The following PRKG1 variants were observed in gnomAD, a reference collection of about 807,000 sequenced individuals.
PRKG1 encodes cGMP-dependent protein kinase 1.
Under a neutral mutation model 88.1 loss-of-function variants are expected in PRKG1, and 35 were observed. That is an observed-to-expected ratio of 0.40 (90% CI 0.30 to 0.53). PRKG1 has a LOEUF of 0.53. PRKG1 is among the 20% of genes least tolerant of loss of function. The pLI, the probability that PRKG1 is intolerant of heterozygous loss-of-function variation, is 0.59. For missense variants in PRKG1, 540 were observed against 839.8 expected, an observed-to-expected ratio of 0.64 and a Z score of 4.41; for synonymous variants, 303 against 292.5, an observed-to-expected ratio of 1.04 and a Z score of -0.37.
intron 4 of PRKG1, among the ~76,000 whole-genome samples, chr10:51,881,832 T>C (rs1393695126): frequency 6.6e-6 from 1 of 152,172 alleles, no homozygotes; most frequent in East Asian, 1.9e-4. Context: ...TTCACAACAA[T>C]ATAATGAAAT....
chr10:51,782,292 G>A (rs934819516), intron 3 of PRKG1, among the ~76,000 whole-genome samples: 1 of 152,060 alleles, frequency 6.6e-6, no homozygotes, highest in African/African-American at 2.4e-5. Flanking sequence ...AACTTACCAT[G>A]GGTTATCAGG....
chr10:51,294,178 T>A (rs1471384494), intron 2 of PRKG1, among the ~76,000 whole-genome samples: 1 of 152,130 alleles, frequency 6.6e-6, no homozygotes, highest in South Asian at 2.1e-4. Context: ...GACTTTTTAT[T>A]CTATTGATTG....
intron 9 of PRKG1, among the ~76,000 whole-genome samples, chr10:52,244,621 G>C (rs1840956579): frequency 6.7e-6 from 1 of 148,916 alleles, no homozygotes; most frequent in East Asian, 2.0e-4. Context: ...AGTTTTCAAT[G>C]CTACTTTCTC....
At chr10:51,981,579 C>G (rs1416292293) in intron 5 of PRKG1, among the ~76,000 whole-genome samples, 1 of 152,010 alleles carries the variant, frequency 6.6e-6, no homozygotes, top group Non-Finnish European at 1.5e-5. Flanking sequence ...GAACAAGACT[C>G]TGTCTCAATA....
intron 9 of PRKG1, among the ~76,000 whole-genome samples, chr10:52,169,189 ACAT>A (rs1838588128): frequency 6.6e-6 from 1 of 152,214 alleles, no homozygotes; most frequent in African/African-American, 2.4e-5. Context: ...AAGGAACACC[ACAT>A]GCACAGAAAC....
chr10:51,183,801 T>C (rs1335840307), intron 2 of PRKG1, among the ~76,000 whole-genome samples: 1 of 152,242 alleles, frequency 6.6e-6, no homozygotes, highest in Non-Finnish European at 1.5e-5. Flanking sequence ...TTTACTGTTC[T>C]GATGCTGATT....
intron 8 of PRKG1, among the ~76,000 whole-genome samples, chr10:52,144,062 G>A (rs1837658064): frequency 6.6e-6 from 1 of 152,142 alleles, no homozygotes; most frequent in Non-Finnish European, 1.5e-5. Flanking sequence ...GAACTTCCTG[G>A]ACACTATAAC....
chr10:51,813,948 C>A (rs1245658741), intron 4 of PRKG1, among the ~76,000 whole-genome samples: 1 of 152,172 alleles, frequency 6.6e-6, no homozygotes, highest in Non-Finnish European at 1.5e-5. Flanking sequence ...CTTAGAATTA[C>A]ATAGGCTCAG....
rs147534414 is a variant in PRKG1 at position 51,768,758 on chromosome 10, C to T, written c.593-35827C>T. 4.8e-3 allele frequency among the ~76,000 whole-genome samples: 738 copies of T among 152,226 alleles called. 7 individuals carry two copies. Among genetic ancestry groups the T allele is most frequent in the African/African-American group, 0.017 (706 of 41,550 alleles). On this transcript the variant is annotated intron_variant, in intron 3 of 17. Coordinates refer to ENST00000373980, the MANE Select transcript of PRKG1 (RefSeq NM_006258.4). ...TGGTATGAGATTTAACTTTTGAGTA[C>T]AGAATAGCCCTAGTGAAGTTAACTA... is the stretch of plus-strand genomic sequence containing the variant.
intron 2 of PRKG1, among the ~76,000 whole-genome samples, chr10:51,319,146 G>T (rs1841392224): frequency 6.6e-6 from 1 of 152,100 alleles, no homozygotes; most frequent in Non-Finnish European, 1.5e-5. Context: ...AGCATTCACT[G>T]GGTTCTCCAC....
At chr10:51,347,569 C>T (rs145050200) in intron 2 of PRKG1, among the ~76,000 whole-genome samples, 2 of 151,958 alleles carry the variant, frequency 1.3e-5, no homozygotes, top group South Asian at 2.1e-4. Flanking sequence ...GATAGTTTCT[C>T]GTTGGTTTTC....
intron 2 of PRKG1, among the ~76,000 whole-genome samples, chr10:51,324,706 A>G (rs1408874457): frequency 6.6e-6 from 1 of 152,024 alleles, no homozygotes; most frequent in Admixed American, 6.5e-5. Flanking sequence ...GCGCCACTGC[A>G]CTCCAGCCTG....
At position 51,925,318 on chromosome 10, in the gene PRKG1, T is replaced by C. The variant is rs1455994040; in HGVS notation, c.762+17748T>C. 3.9e-5 allele frequency among the ~76,000 whole-genome samples: 6 copies of C among 152,178 alleles called. No individual in the cohort carries two copies. In the East Asian group the frequency reaches 1.2e-3, roughly 29 times the overall value. ...CTTTGACTCCTATTTTGTCTTTGAG[T>C]TTCCCTAGGAACTTGTTCTTAAATA... On this transcript the variant is annotated intron_variant, in intron 5 of 17. Coordinates refer to ENST00000373980, the MANE Select transcript of PRKG1 (RefSeq NM_006258.4).
At chr10:51,716,890 G>A (rs896352494) in intron 3 of PRKG1, among the ~76,000 whole-genome samples, 1 of 152,166 alleles carries the variant, frequency 6.6e-6, no homozygotes, top group Non-Finnish European at 1.5e-5. Flanking sequence ...TAGAGATGGA[G>A]TTTCACTATG....
chr10:51,739,841 C>T (rs893081238), intron 3 of PRKG1, among the ~76,000 whole-genome samples: 20 of 152,126 alleles, frequency 1.3e-4, no homozygotes, highest in African/African-American at 3.6e-4. Context: ...AGCGTGGTGG[C>T]GCATGCCTGT....
At chr10:51,543,332 T>A (rs1183965922) in intron 3 of PRKG1, among the ~76,000 whole-genome samples, 1 of 152,202 alleles carries the variant, frequency 6.6e-6, no homozygotes, top group Non-Finnish European at 1.5e-5. Context: ...TTGTCAGTGA[T>A]TAAAATAATT....
intron 5 of PRKG1, among the ~76,000 whole-genome samples, chr10:51,933,759 C>A (rs1230669485): frequency 6.6e-6 from 1 of 151,864 alleles, no homozygotes; most frequent in Non-Finnish European, 1.5e-5. Context: ...ATATGTTTAC[C>A]ATTAACTTTT....
chr10:51,415,248 T>C (rs1301021744), intron 2 of PRKG1, among the ~76,000 whole-genome samples: 1 of 152,204 alleles, frequency 6.6e-6, no homozygotes, highest in Non-Finnish European at 1.5e-5. Flanking sequence ...TGTATCAAAT[T>C]GTATTTCATA....
intron 3 of PRKG1, among the ~76,000 whole-genome samples, chr10:51,519,697 C>A (rs572307546): frequency 6.6e-6 from 1 of 152,230 alleles, no homozygotes; most frequent in East Asian, 1.9e-4. Flanking sequence ...ATGATCTCAT[C>A]CCCTGAAAGT....
Sources: allele counts gnomAD v4.1 joint callset (sites outside exome capture counted in the v4.1 genomes callset), GRCh38; gene constraint gnomAD v4.1.1; transcripts MANE v1.5; gene names NCBI Gene and HGNC (gene_info 2026-07-23, HGNC 2026-07-21).